The following ADCY8 variants were observed in gnomAD, a reference collection of about 807,000 sequenced individuals.
The protein encoded by ADCY8 is adenylate cyclase type 8.
ADCY8 carries 51 observed loss-of-function variants against 119.7 expected under a neutral mutation model. That is an observed-to-expected ratio of 0.43 (90% CI 0.34 to 0.54). The LOEUF (loss-of-function observed/expected upper bound fraction) is 0.54, where lower values mean the gene tolerates loss of function less well. ADCY8 is among the 20% of genes least tolerant of loss of function. The pLI is 0.03. For missense variants in ADCY8, 1,383 were observed against 1,598.8 expected (o/e 0.87, Z 2.30); for synonymous variants, 665 against 651.0 (o/e 1.02, Z -0.33).
At chr8:130,906,533 T>C (rs545422141) in intron 6 of ADCY8, among the ~76,000 whole-genome samples, 3 of 152,320 alleles carry the variant, frequency 2.0e-5, no homozygotes, top group African/African-American at 7.2e-5. Flanking sequence ...TGCTAATCAA[T>C]ATGCACTTAA....
intron 1 of ADCY8, among the ~76,000 whole-genome samples, chr8:131,035,338 C>T (rs1012354219): frequency 4.6e-5 from 7 of 152,078 alleles, no homozygotes; most frequent in Non-Finnish European, 1.0e-4. Flanking sequence ...TCGGTCTTTC[C>T]GATGCCACTC....
intron 15 of ADCY8, among the ~76,000 whole-genome samples, chr8:130,793,173 C>T (rs958682494): frequency 2.0e-5 from 3 of 152,166 alleles, no homozygotes; most frequent in Non-Finnish European, 4.4e-5. Context: ...CTTTTCCTTG[C>T]CTGCCGCCAT....
At chr8:130,825,311 A>G (rs1816638266) in intron 12 of ADCY8, among the ~76,000 whole-genome samples, 1 of 152,286 alleles carries the variant, frequency 6.6e-6, no homozygotes, top group Middle Eastern at 3.4e-3. Flanking sequence ...TGAATTTTGT[A>G]TCTATTAACC....
intron 5 of ADCY8, chr8:130,935,490 C>CATGA (rs1360143999): frequency 6.6e-6 from 1 of 152,234 alleles, no homozygotes; most frequent in African/African-American, 2.4e-5. Flanking sequence ...CACCCAGAAC[C>CATGA]ATGACCTCTG....
chr8:130,807,141 A>T, intron 14 of ADCY8, among the ~76,000 whole-genome samples: 1 of 152,222 alleles, frequency 6.6e-6, no homozygotes, highest in South Asian at 2.1e-4. Context: ...GCTCCGTCGC[A>T]CACCTGCATA....
At chr8:131,013,706 T>C (rs1823382277) in intron 1 of ADCY8, among the ~76,000 whole-genome samples, 1 of 152,046 alleles carries the variant, frequency 6.6e-6, no homozygotes, top group Non-Finnish European at 1.5e-5. Context: ...TTTTATTGGG[T>C]AATTGGGTTT....
intron 5 of ADCY8, among the ~76,000 whole-genome samples, chr8:130,930,786 TATC>T (rs1820608376): frequency 1.3e-5 from 2 of 152,204 alleles, no homozygotes; most frequent in Admixed American, 6.5e-5. Context: ...ATGTGGGTAT[TATC>T]ATTTGTAGTA....
intron 9 of ADCY8, among the ~76,000 whole-genome samples, chr8:130,856,532 G>A (rs1408424224): frequency 1.3e-5 from 2 of 152,084 alleles, no homozygotes; most frequent in Admixed American, 6.6e-5. Flanking sequence ...CTCACAGCTC[G>A]CCACCCCGAG....
In ADCY8 at chr8:130,903,840, C is replaced by T; in HGVS notation, c.1843G>A (p.Gly615Arg). Residue 615 changes from glycine (G) to arginine (R), a missense_variant, in exon 7 of 18, where the codon GGG becomes AGG. By Grantham distance (125) the Gly-to-Arg change is moderately radical. This residue lies in a region of ADCY8 where 928 missense variants were observed against 1,163.5 expected (regional missense o/e 0.80). Transcript: ENST00000286355. ...CAGGATCCTTCAGTGAATGTGGCCC[C>T]ACTGTTTCTCCGGTCTGAGGAGCTC... ...SVSSSDRRNSGATFTEGSWSP... is the reference protein window; with the variant it reads ...SVSSSDRRNSRATFTEGSWSP... 1 of 1,613,846 alleles carries T rather than the reference C, an allele frequency of 6.2e-7. No individual in the cohort carries two copies.
At chr8:130,961,460 T>C (rs957973128) in intron 2 of ADCY8, among the ~76,000 whole-genome samples, 9 of 152,082 alleles carry the variant, frequency 5.9e-5, no homozygotes, top group Non-Finnish European at 8.8e-5. Context: ...TATGAAGAGA[T>C]TTATGAGTCT....
chr8:130,945,196 A>G (rs149046817), intron 3 of ADCY8, among the ~76,000 whole-genome samples: 2,243 of 152,322 alleles, frequency 0.015, 26 homozygotes, highest in African/African-American at 0.027. Flanking sequence ...GAAGAGAGAG[A>G]TGAGGTCAGA....
intron 7 of ADCY8, among the ~76,000 whole-genome samples, chr8:130,891,157 T>C (rs1427754354): frequency 6.6e-6 from 1 of 152,152 alleles, no homozygotes; most frequent in African/African-American, 2.4e-5. Context: ...GGCAGCATGT[T>C]TCTGTGCCTA....
chr8:130,780,563 C>A lies in ADCY8; in HGVS notation c.3583G>T (p.Val1195Phe). The change falls in exon 18 of 18, where the codon GTT becomes TTT. Residue 1195 changes from valine to phenylalanine, a missense_variant. Physicochemically the swap from Val to Phe is conservative, Grantham distance 50. Around this residue, in one of 2 missense-constraint regions of ADCY8, gnomAD observed 928 missense variants for 1,163.5 expected, o/e 0.80. Transcript: ENST00000286355. ...RLPGQYSLAA[V>F]VLGLVQSLNR... is the part of the protein sequence containing the mutation. ...AGGGACTGGACAAGTCCCAGGACAA[C>A]CGCGGCCAGGGAGTACTGCCCAGGC... The A allele has an allele frequency of 6.2e-7, 1 of 1,614,134 alleles. No homozygotes were observed. Among genetic ancestry groups the A allele is most frequent in the East Asian group, 2.2e-5 (1 of 44,864 alleles).
chr8:130,970,445 T>G (rs969456333), intron 2 of ADCY8, among the ~76,000 whole-genome samples: 2 of 152,242 alleles, frequency 1.3e-5, no homozygotes, highest in Admixed American at 1.3e-4. Context: ...AAGATGGGAC[T>G]GTCTAGTTGC....
chr8:130,841,383 T>C (rs1363077498), intron 11 of ADCY8, among the ~76,000 whole-genome samples: 3 of 152,194 alleles, frequency 2.0e-5, no homozygotes, highest in African/African-American at 7.2e-5. Flanking sequence ...GGGAGATCAA[T>C]TTCTTCAATG....
At chr8:130,841,310 A>G (rs1342440937) in intron 11 of ADCY8, among the ~76,000 whole-genome samples, 1 of 152,206 alleles carries the variant, frequency 6.6e-6, no homozygotes, top group Non-Finnish European at 1.5e-5. Flanking sequence ...GAGGAAGTAT[A>G]TGTAACACTT....
intron 9 of ADCY8, among the ~76,000 whole-genome samples, 178 bp from the exon 10 acceptor site, chr8:130,849,981 C>G (rs1334565236): frequency 6.6e-6 from 1 of 152,140 alleles, no homozygotes; most frequent in East Asian, 1.9e-4. Context: ...ATCCCTAGAG[C>G]ACTCTCTCTA....
chr8:130,922,732 G>C (rs552144086), intron 5 of ADCY8, among the ~76,000 whole-genome samples: 4 of 152,020 alleles, frequency 2.6e-5, no homozygotes, highest in African/African-American at 2.4e-5. Flanking sequence ...GGTACACCTC[G>C]CAGACGGGGT....
chr8:130,791,972 T>G (rs1211116031), intron 15 of ADCY8, among the ~76,000 whole-genome samples: 1 of 152,260 alleles, frequency 6.6e-6, no homozygotes, highest in Non-Finnish European at 1.5e-5. Flanking sequence ...CTTTTTTTGC[T>G]GTACAACTTC....
Sources: allele counts gnomAD v4.1 joint callset (sites outside exome capture counted in the v4.1 genomes callset), GRCh38; gene constraint gnomAD v4.1.1; regional missense constraint gnomAD v4.1.1; transcripts MANE v1.5; gene names NCBI Gene and HGNC (gene_info 2026-07-23, HGNC 2026-07-21).